Variants in FRMPD4 observed in about 807,000 individuals in gnomAD.
The protein encoded by FRMPD4 is FERM and PDZ domain containing 4, also known as FERM and PDZ domain-containing protein 4.
A neutral mutation model predicts 94.1 loss-of-function variants in FRMPD4; 22 were observed. The observed-to-expected ratio is 0.23, with a 90% confidence interval of 0.17 to 0.33. FRMPD4 has a LOEUF of 0.33. Among genes scored for constraint, FRMPD4 ranks in the 10% least tolerant of loss-of-function variants. The pLI is 1.00. For synonymous variants in FRMPD4, 631 were observed against 548.6 expected (o/e 1.15, Z -2.10); for missense variants, 1,111 against 1,339.9 (o/e 0.83, Z 2.67).
intron 3 of FRMPD4, among the ~76,000 whole-genome samples, chrX:11,969,967 A>G (rs2054331686): frequency 9.0e-6 from 1 of 111,074 alleles, no homozygotes; most frequent in African/African-American, 3.3e-5. Flanking sequence ...TTGTGAGTAG[A>G]TTCCTCTCCT....
At chrX:12,486,912 T>C (rs1874037) in intron 1 of FRMPD4, among the ~76,000 whole-genome samples, 55,166 of 110,731 alleles carry the variant, frequency 0.5, 10,408 homozygotes, top group South Asian at 0.64. Flanking sequence ...GAACTCCAAA[T>C]GGAAGCTGGG....
intron 1 of FRMPD4, among the ~76,000 whole-genome samples, chrX:12,195,544 CTTAG>C (rs1485618925): frequency 1.8e-5 from 2 of 111,818 alleles, no homozygotes; most frequent in East Asian, 2.8e-4. Context: ...GGAAGCCCAT[CTTAG>C]TTAGACTCAG....
chrX:12,507,165 T>C (rs893604664), intron 2 of FRMPD4, among the ~76,000 whole-genome samples: 5 of 112,625 alleles, frequency 4.4e-5, no homozygotes. Context: ...CTTTTAGCTG[T>C]TGACTCCCTC....
intron 4 of FRMPD4, among the ~76,000 whole-genome samples, chrX:12,640,296 C>CAAAAAAA (rs1157854116): frequency 4.2e-5 from 1 of 23,804 alleles, no homozygotes; most frequent in African/African-American, 1.9e-4. Flanking sequence ...GAGGCTGTCT[C>CAAAAAAA]AAAAAAAAAA....
At chrX:12,437,982 T>C (rs2057089356) in intron 1 of FRMPD4, among the ~76,000 whole-genome samples, 1 of 112,091 alleles carries the variant, frequency 8.9e-6, no homozygotes, top group South Asian at 3.7e-4. Flanking sequence ...TACCTCCATC[T>C]GTTTTTTACC....
intron 1 of FRMPD4, among the ~76,000 whole-genome samples, chrX:12,429,802 G>A (rs1381680145): frequency 8.9e-6 from 1 of 112,161 alleles, no homozygotes; most frequent in African/African-American, 3.2e-5. Flanking sequence ...GCCTTTAAGA[G>A]GTGATTAGGC....
intron 3 of FRMPD4, among the ~76,000 whole-genome samples, chrX:11,899,299 A>C (rs1393557664): frequency 9.0e-6 from 1 of 111,207 alleles, no homozygotes. Flanking sequence ...ACAGAAGAAA[A>C]TGGGTGAAAA....
At chrX:12,202,236 T>A (rs1288187393) in intron 1 of FRMPD4, among the ~76,000 whole-genome samples, 3 of 112,018 alleles carry the variant, frequency 2.7e-5, no homozygotes, top group Non-Finnish European at 5.6e-5. Context: ...TGTATCAAAA[T>A]GATTAAGATA....
At chrX:12,557,279 G>A (rs146341812) in intron 2 of FRMPD4, among the ~76,000 whole-genome samples, 1,292 of 111,551 alleles carry the variant, frequency 0.012, 5 homozygotes, top group Middle Eastern at 0.019. Context: ...TGGTCTTGTT[G>A]TGTAGATGAA....
Position 12,721,756 on chromosome X carries a change from C to T in FRMPD4, c.5187C>T (p.Asn1729=), listed in dbSNP as rs2078238566. ...CTGCCGAAGCAGCCACTGGAAAGAA[C>T]CCTGGGGACCCTAATGTTGGACTCT... The part of the protein sequence containing the change: ...LKAAEAATGK[N]PGDPNVGLSA... The change falls in exon 17 of 17, where the codon AAC becomes AAT. Residue 1729 remains asparagine (N), a synonymous_variant. Transcript: ENST00000675598. 7 of 752,400 alleles carry T rather than the reference C, an allele frequency of 9.3e-6. No individual in the cohort carries two copies. The South Asian group carries it at 4.8e-4, about 51-fold the overall frequency. 62.0% of individuals were successfully genotyped at this position (752,400 alleles called of 1,213,427 possible). A position where few individuals can be genotyped will look rare whatever the true frequency, so the allele number is the denominator to read the frequency against.
chrX:12,511,129 G>A (rs771755338), intron 2 of FRMPD4, among the ~76,000 whole-genome samples: 16 of 111,762 alleles, frequency 1.4e-4, no homozygotes, highest in Admixed American at 1.9e-4. Context: ...GAGCTAATCC[G>A]TGAAGATTTT....
chrX:12,362,732 G>T (rs1466429515), intron 1 of FRMPD4, among the ~76,000 whole-genome samples: 2 of 111,704 alleles, frequency 1.8e-5, no homozygotes, highest in African/African-American at 3.3e-5. Flanking sequence ...GTAATGGGAT[G>T]GCTGGGTCAA....
rs939317718 is a variant in FRMPD4 at position 11,860,848 on chromosome X, A to G, written c.-160-4238A>G. ...GCTTTCTGTAAATCTCACATTCCTT[A>G]TTATCCTGGGAGATGAAGTTTGATT... On this transcript the variant is annotated intron_variant, in intron 1 of 18. Coordinates refer to the FRMPD4 transcript ENST00000640291. 2.7e-5 allele frequency among the ~76,000 whole-genome samples: 3 copies of G among 111,794 alleles called. No individual in the cohort carries two copies. In the Admixed American group the frequency reaches 2.8e-4, roughly 11 times the overall value.
chrX:11,929,435 A>G lies in FRMPD4; in HGVS notation c.95+51417A>G, dbSNP rs527933786. Among the ~76,000 whole-genome samples the G allele has an allele frequency of 1.0e-3, 116 of 112,492 alleles. 1 individual carries two copies. The highest frequency in any genetic ancestry group is 4.6e-3 in the Middle Eastern group (1 of 218). On this transcript the variant is annotated intron_variant, in intron 3 of 18. Transcript: ENST00000640291. ...TTCTCCAGCTGTTAATAATGCCCCA[A>G]GGGTGTTAACTGACCTTGGCATAAA...
intron 1 of FRMPD4, among the ~76,000 whole-genome samples, chrX:12,480,683 G>C (rs190834573): frequency 1.5e-4 from 17 of 112,137 alleles, no homozygotes; most frequent in African/African-American, 5.5e-4. Context: ...GTTATTTCAA[G>C]AGTCCACATG....
chrX:12,157,849 G>A (rs1331523342), intron 1 of FRMPD4, among the ~76,000 whole-genome samples: 1 of 112,513 alleles, frequency 8.9e-6, no homozygotes. Context: ...TGCATCTGGA[G>A]TGGCCTAAGC....
At chrX:11,901,239 T>C (rs1247137529) in intron 3 of FRMPD4, among the ~76,000 whole-genome samples, 2 of 111,477 alleles carry the variant, frequency 1.8e-5, no homozygotes, top group Non-Finnish European at 3.8e-5. Context: ...TATTTTATCC[T>C]TCACCCCCTC....
intron 3 of FRMPD4, among the ~76,000 whole-genome samples, chrX:12,116,091 G>A (rs2055406454): frequency 8.9e-6 from 1 of 112,016 alleles, no homozygotes; most frequent in South Asian, 3.7e-4. Flanking sequence ...TTTAGCCTCA[G>A]TGACTTTCCC....
At position 12,425,124 on chromosome X, in the gene FRMPD4, A is replaced by T. The variant is rs144252024; in HGVS notation, c.42-73556A>T. Among the ~76,000 whole-genome samples, 104 of 112,655 alleles carry T rather than the reference A, an allele frequency of 9.2e-4. 1 individual carries two copies. In the East Asian group the frequency reaches 0.028, roughly 30 times the overall value. ...AGTAGAGTGTTGCCTTCTTCACAAGACAGACATACCTACTGAGCTTATACT... is the reference window on the plus strand; with the variant it reads ...AGTAGAGTGTTGCCTTCTTCACAAGTCAGACATACCTACTGAGCTTATACT... On this transcript the variant is annotated intron_variant, in intron 1 of 16. Transcript: ENST00000675598.
Sources: allele counts gnomAD v4.1 joint callset (sites outside exome capture counted in the v4.1 genomes callset), GRCh38; gene constraint gnomAD v4.1.1; transcripts MANE v1.5; gene names NCBI Gene and HGNC (gene_info 2026-07-23, HGNC 2026-07-21).